TLE4: variants seen among roughly 807,000 people sequenced by gnomAD.
TLE4 encodes the protein TLE family member 4, transcriptional corepressor, also known as transducin-like enhancer protein 4.
A neutral mutation model predicts 92.8 loss-of-function variants in TLE4; 8 were observed. The observed-to-expected ratio is 0.09, with a 90% CI of 0.05 to 0.16. TLE4 has a LOEUF of 0.16. TLE4 is among the 10% of genes least tolerant of loss of function. The pLI is 1.00. For missense variants in TLE4, 675 were observed against 997.6 expected (o/e 0.68, Z 4.36); for synonymous variants, 371 against 374.1 (o/e 0.99, Z 0.10).
intron 14 of TLE4, among the ~76,000 whole-genome samples, chr9:79,710,748 C>A (rs534891110): frequency 2.0e-5 from 3 of 152,206 alleles, no homozygotes; most frequent in African/African-American, 7.2e-5. Context: ...CCCTTCCTCC[C>A]TATTCTTTCC....
chr9:79,596,149 T>A (rs2043958387), intron 4 of TLE4, among the ~76,000 whole-genome samples: 1 of 152,112 alleles, frequency 6.6e-6, no homozygotes, highest in Non-Finnish European at 1.5e-5. Context: ...CCCGGCCGTT[T>A]AGTATCTACT....
intron 8 of TLE4, among the ~76,000 whole-genome samples, chr9:79,669,231 A>G (rs1398686747): frequency 6.6e-6 from 1 of 152,146 alleles, no homozygotes; most frequent in Non-Finnish European, 1.5e-5. Flanking sequence ...GGCTTCAGAG[A>G]TAGGTCCCTC....
At chr9:79,632,075 C>G (rs1359216769) in intron 6 of TLE4, among the ~76,000 whole-genome samples, 1 of 152,210 alleles carries the variant, frequency 6.6e-6, no homozygotes. Flanking sequence ...GTCCCACAGC[C>G]TGACAGCACC....
chr9:79,679,115 A>C (rs928637226), intron 8 of TLE4, among the ~76,000 whole-genome samples: 1 of 152,028 alleles, frequency 6.6e-6, no homozygotes, highest in Admixed American at 6.6e-5. Context: ...AGCATGATGT[A>C]TAGTCCTTTG....
Position 79,645,656 on chromosome 9 carries a change from A to G in TLE4, c.391-6937A>G, listed in dbSNP as rs144971485. 7.6e-4 allele frequency among the ~76,000 whole-genome samples: 116 copies of G among 152,338 alleles called. No homozygotes were observed. The East Asian group carries it at 0.021, about 27-fold the overall frequency. On this transcript the variant is annotated intron_variant, in intron 6 of 19. Transcript: ENST00000376552. ...GTTACAGAGAATCCAGAAAAGACCT[A>G]TTAACAGCATTGAGGCTGTGTCTGC...
At chr9:79,675,679 C>G (rs905292524) in intron 8 of TLE4, among the ~76,000 whole-genome samples, 1 of 152,138 alleles carries the variant, frequency 6.6e-6, no homozygotes, top group South Asian at 2.1e-4. Flanking sequence ...TTCTTTGATT[C>G]ACTAAGCACT....
intron 6 of TLE4, among the ~76,000 whole-genome samples, chr9:79,628,465 C>T (rs982974890): frequency 2.6e-5 from 4 of 152,004 alleles, no homozygotes; most frequent in Admixed American, 2.6e-4. Flanking sequence ...ATTCCTCTGT[C>T]TTTTAACAAG....
intron 4 of TLE4, among the ~76,000 whole-genome samples, chr9:79,610,956 A>G (rs1469645265): frequency 6.6e-6 from 1 of 151,988 alleles, no homozygotes; most frequent in Non-Finnish European, 1.5e-5. Flanking sequence ...AATGACGAAA[A>G]TATGCTTGGC....
chr9:79,641,037 A>G (rs1324856638), intron 6 of TLE4, among the ~76,000 whole-genome samples: 1 of 151,870 alleles, frequency 6.6e-6, no homozygotes, highest in Non-Finnish European at 1.5e-5. Context: ...CTACCTGGTT[A>G]TTCTTGTGGA....
chr9:79,686,785 T>G (rs953584202), intron 8 of TLE4, among the ~76,000 whole-genome samples: 2 of 152,214 alleles, frequency 1.3e-5, no homozygotes, highest in African/African-American at 4.8e-5. Context: ...GTCTGTTGCT[T>G]TAAGCCACCT....
At chr9:79,619,631 A>G (rs530180017) in intron 5 of TLE4, among the ~76,000 whole-genome samples, 2 of 152,218 alleles carry the variant, frequency 1.3e-5, no homozygotes, top group African/African-American at 4.8e-5. Flanking sequence ...CATCCCTAAG[A>G]CCATCTTCAG....
intron 14 of TLE4, among the ~76,000 whole-genome samples, chr9:79,711,258 C>T (rs1437518324): frequency 1.3e-5 from 2 of 152,146 alleles, no homozygotes; most frequent in Admixed American, 6.5e-5. Flanking sequence ...AATTAGAGTT[C>T]CTCAAGAGTT....
At chr9:79,653,618 T>C (rs926085220) in intron 7 of TLE4, among the ~76,000 whole-genome samples, 6 of 152,202 alleles carry the variant, frequency 3.9e-5, no homozygotes, top group African/African-American at 1.4e-4. Flanking sequence ...AAGGGTGTGT[T>C]TCATAATTAA....
intron 4 of TLE4, among the ~76,000 whole-genome samples, chr9:79,602,896 G>A (rs1336824482): frequency 6.6e-6 from 1 of 152,138 alleles, no homozygotes; most frequent in Non-Finnish European, 1.5e-5. Context: ...AAGAACATTT[G>A]TGGTTCATGG....
intron 6 of TLE4, among the ~76,000 whole-genome samples, chr9:79,641,563 C>T (rs556841209): frequency 2.6e-5 from 4 of 152,298 alleles, no homozygotes; most frequent in Non-Finnish European, 1.5e-5. Context: ...TCACAGCAAG[C>T]GTCTCTCTTG....
intron 8 of TLE4, among the ~76,000 whole-genome samples, chr9:79,657,604 G>T (rs2059952077): frequency 6.6e-6 from 1 of 152,074 alleles, no homozygotes; most frequent in Admixed American, 6.5e-5. Flanking sequence ...GTGCTATTAG[G>T]TTCCTCATAG....
intron 5 of TLE4, among the ~76,000 whole-genome samples, chr9:79,620,038 C>G (rs192910317): frequency 6.6e-6 from 1 of 152,244 alleles, no homozygotes; most frequent in African/African-American, 2.4e-5. Flanking sequence ...AGATGATTCT[C>G]AGGAGGTAGA....
intron 6 of TLE4, among the ~76,000 whole-genome samples, chr9:79,635,692 A>G (rs2055585635): frequency 6.6e-6 from 1 of 151,578 alleles, no homozygotes; most frequent in Non-Finnish European, 1.5e-5. Context: ...AATTAACCTT[A>G]TATGTATGAG....
chr9:79,582,299 A>G (rs539715047), intron 4 of TLE4, among the ~76,000 whole-genome samples: 95 of 152,336 alleles, frequency 6.2e-4, no homozygotes, highest in African/African-American at 2.2e-3. Context: ...GTTCCTTTTC[A>G]CTGCCCCTTA....
Sources: allele counts gnomAD v4.1 joint callset (sites outside exome capture counted in the v4.1 genomes callset), GRCh38; gene constraint gnomAD v4.1.1; transcripts MANE v1.5; gene names NCBI Gene and HGNC (gene_info 2026-07-23, HGNC 2026-07-21).